SLC9A9: variants seen among roughly 807,000 people sequenced by gnomAD.
SLC9A9 encodes solute carrier family 9 member A9.
SLC9A9 carries 62 observed loss-of-function variants against 77.8 expected under a neutral mutation model. The observed-to-expected ratio is 0.80, with a 90% CI of 0.65 to 0.98. The LOEUF is 0.98. Ranked by LOEUF, SLC9A9 falls within the 50% of genes least tolerant of loss-of-function variation. The pLI is 0.00. For missense variants in SLC9A9, 775 were observed against 774.9 expected (o/e 1.00, Z 0.00); for synonymous variants, 320 against 283.5 (o/e 1.13, Z -1.29).
At chr3:143,790,640 A>G (rs190661446) in intron 4 of SLC9A9, among the ~76,000 whole-genome samples, 7 of 152,324 alleles carry the variant, frequency 4.6e-5, no homozygotes, top group Admixed American at 4.6e-4. Context: ...CACTTACTGT[A>G]TAATCTTGGA....
At chr3:143,532,423 T>C (rs2036523649) in intron 9 of SLC9A9, among the ~76,000 whole-genome samples, 1 of 152,224 alleles carries the variant, frequency 6.6e-6, no homozygotes, top group Admixed American at 6.5e-5. Flanking sequence ...ATCAAAAAGC[T>C]TGACAACTAC....
chr3:143,521,671 A>C (rs1300735052), intron 9 of SLC9A9, among the ~76,000 whole-genome samples: 1 of 151,908 alleles, frequency 6.6e-6, no homozygotes, highest in Non-Finnish European at 1.5e-5. Flanking sequence ...CTCTGTGTAG[A>C]AAGTTATATA....
chr3:143,285,191 G>GTCTT (rs1416892883), intron 14 of SLC9A9, among the ~76,000 whole-genome samples: 1 of 152,094 alleles, frequency 6.6e-6, no homozygotes, highest in African/African-American at 2.4e-5. Context: ...CCATCAACCT[G>GTCTT]TCTTTTACAT....
At chr3:143,681,561 A>G (rs1271276406) in intron 5 of SLC9A9, among the ~76,000 whole-genome samples, 1 of 152,218 alleles carries the variant, frequency 6.6e-6, no homozygotes, top group Non-Finnish European at 1.5e-5. Context: ...GGCATTGGGA[A>G]TATATTGTTG....
chr3:143,730,088 A>G (rs58881945), intron 4 of SLC9A9, among the ~76,000 whole-genome samples: 17,070 of 152,206 alleles, frequency 0.11, 1,411 homozygotes, highest in African/African-American at 0.24. Flanking sequence ...AACACTTGAG[A>G]AATTGAAGTG....
At chr3:143,719,421 G>T (rs1041356765) in intron 4 of SLC9A9, among the ~76,000 whole-genome samples, 2 of 152,138 alleles carry the variant, frequency 1.3e-5, no homozygotes, top group African/African-American at 4.8e-5. Flanking sequence ...AAAAATCCAT[G>T]ATGAAAGGCC....
At chr3:143,762,988 A>T (rs2007186444) in intron 4 of SLC9A9, among the ~76,000 whole-genome samples, 1 of 152,178 alleles carries the variant, frequency 6.6e-6, no homozygotes, top group African/African-American at 2.4e-5. Flanking sequence ...AGGCTCTGCC[A>T]TTCACTCAGG....
chr3:143,695,537 G>A (rs1238812266), intron 4 of SLC9A9, among the ~76,000 whole-genome samples: 1 of 152,160 alleles, frequency 6.6e-6, no homozygotes, highest in Non-Finnish European at 1.5e-5. Flanking sequence ...TGGCTGCATA[G>A]TATTCCATGG....
At chr3:143,604,095 C>G (rs1388022930) in intron 6 of SLC9A9, among the ~76,000 whole-genome samples, 5 of 152,210 alleles carry the variant, frequency 3.3e-5, no homozygotes, top group Non-Finnish European at 5.9e-5. Flanking sequence ...CCTTTTCACT[C>G]TGTTGCCAGG....
chr3:143,738,333 T>C (rs1016947382), intron 4 of SLC9A9, among the ~76,000 whole-genome samples: 5 of 152,128 alleles, frequency 3.3e-5, no homozygotes, highest in African/African-American at 1.2e-4. Flanking sequence ...GGGTCATTAA[T>C]TCCCTCACTC....
At chr3:143,758,091 C>T (rs1000322778) in intron 4 of SLC9A9, among the ~76,000 whole-genome samples, 2 of 152,126 alleles carry the variant, frequency 1.3e-5, no homozygotes, top group African/African-American at 4.8e-5. Flanking sequence ...TATCTTTGGC[C>T]TCTAAATAAA....
At chr3:143,437,591 C>T (rs998388271) in intron 12 of SLC9A9, among the ~76,000 whole-genome samples, 1 of 152,218 alleles carries the variant, frequency 6.6e-6, no homozygotes, top group African/African-American at 2.4e-5. Context: ...CCCGAGGCCG[C>T]TCAACAGGCA....
chr3:143,380,514 T>C (rs2033279248), intron 13 of SLC9A9, among the ~76,000 whole-genome samples: 2 of 152,252 alleles, frequency 1.3e-5, no homozygotes, highest in East Asian at 1.9e-4. Flanking sequence ...AAGATGAAAA[T>C]GCTTTTTAAA....
intron 4 of SLC9A9, among the ~76,000 whole-genome samples, chr3:143,761,983 T>C (rs1426531724): frequency 3.9e-5 from 6 of 152,110 alleles, no homozygotes; most frequent in Non-Finnish European, 7.4e-5. Context: ...AAATGTGGCA[T>C]ATATACACCA....
At chr3:143,518,819 A>C (rs149361564) in intron 9 of SLC9A9, among the ~76,000 whole-genome samples, 3 of 152,208 alleles carry the variant, frequency 2.0e-5, no homozygotes, top group Non-Finnish European at 4.4e-5. Context: ...GTGCTTTGCT[A>C]TAACAAACAG....
chr3:143,609,577 G>T (rs749037581), intron 6 of SLC9A9, among the ~76,000 whole-genome samples: 1 of 152,034 alleles, frequency 6.6e-6, no homozygotes, highest in Admixed American at 6.6e-5. Flanking sequence ...AAAAGTGGAA[G>T]ACTTTTCCTC....
intron 6 of SLC9A9, among the ~76,000 whole-genome samples, chr3:143,616,172 T>C (rs1025496551): frequency 1.3e-5 from 2 of 151,536 alleles, no homozygotes; most frequent in African/African-American, 4.9e-5. Context: ...CATGAGCCAC[T>C]GCCCTGGGCC....
At chr3:143,323,199 C>T (rs1265673257) in intron 14 of SLC9A9, among the ~76,000 whole-genome samples, 1 of 152,132 alleles carries the variant, frequency 6.6e-6, no homozygotes, top group Non-Finnish European at 1.5e-5. Context: ...ATAGAATTAC[C>T]ATTGGATCCA....
chr3:143,817,259 C>T (rs897398920), intron 2 of SLC9A9, among the ~76,000 whole-genome samples: 2 of 150,674 alleles, frequency 1.3e-5, no homozygotes, highest in African/African-American at 2.4e-5. Context: ...CGCCATTCTC[C>T]TGCCTCAGCC....
Sources: gnomAD v4.1 joint callset for allele counts (sites outside exome capture counted in the v4.1 genomes callset) on GRCh38, gnomAD v4.1.1 for gene constraint, MANE v1.5 for transcripts, NCBI Gene and HGNC (gene_info 2026-07-23, HGNC 2026-07-21) for gene names.